The following TRPM3 variants were observed in gnomAD, a reference collection of about 807,000 sequenced individuals.
TRPM3 encodes the protein long transient receptor potential channel 3.
Under a neutral mutation model 181.2 loss-of-function variants are expected in TRPM3, and 77 were observed. That is an observed-to-expected ratio of 0.42 (90% CI 0.35 to 0.51). TRPM3 has a LOEUF of 0.51. TRPM3 is among the 20% of genes least tolerant of loss of function. TRPM3 has a pLI of 0.01. For missense variants in TRPM3, 1,759 were observed against 2,196.7 expected (o/e 0.80, Z 3.98); for synonymous variants, 745 against 796.4 (o/e 0.94, Z 1.09).
At chr9:71,438,893 C>G (rs1002253516) in intron 1 of TRPM3, among the ~76,000 whole-genome samples, 1 of 152,106 alleles carries the variant, frequency 6.6e-6, no homozygotes, top group Non-Finnish European at 1.5e-5. Flanking sequence ...TTTGTAATAT[C>G]CCACAATAAA....
intron 1 of TRPM3, among the ~76,000 whole-genome samples, chr9:70,913,680 A>T (rs897514797): frequency 3.3e-5 from 5 of 152,212 alleles, no homozygotes; most frequent in Non-Finnish European, 7.3e-5. Context: ...ACCAGAAAAA[A>T]ACCACCAGAC....
In TRPM3 at chr9:70,610,707, C is replaced by T. The variant is rs755973554; in HGVS notation, c.2569G>A (p.Asp857Asn). 3 of 1,614,174 alleles carry T rather than the reference C, an allele frequency of 1.9e-6. No homozygotes were observed. The highest frequency in any genetic ancestry group is 8.5e-7 in the Non-Finnish European group (1 of 1,180,004). ...TGCTTGCTCTGAACTTCCTCTTCATCCTTCTTCCTGGAGGACTCCCCGTTG... is the reference window on the plus strand; with the variant it reads ...TGCTTGCTCTGAACTTCCTCTTCATTCTTCTTCCTGGAGGACTCCCCGTTG... ...RNNGESSRKK[D>N]EEEVQSKHRL... is the part of the protein sequence containing the mutation. The change falls in exon 19 of 26, where the codon GAT (aspartate) becomes AAT (asparagine). Residue 857 changes from aspartate (D) to asparagine (N), a missense_variant. Coordinates refer to ENST00000677713, the MANE Select transcript of TRPM3 (RefSeq NM_001366145.2).
chr9:70,832,440 G>T (rs1425546019), intron 5 of TRPM3, among the ~76,000 whole-genome samples: 1 of 152,112 alleles, frequency 6.6e-6, no homozygotes, highest in African/African-American at 2.4e-5. Context: ...GAGTAAATGA[G>T]AGAATTCTTG....
intron 5 of TRPM3, among the ~76,000 whole-genome samples, chr9:70,834,722 G>C (rs79092503): frequency 6.6e-6 from 1 of 152,158 alleles, no homozygotes; most frequent in Non-Finnish European, 1.5e-5. Context: ...TCTTGGAGGA[G>C]GATACTGCAG....
intron 1 of TRPM3, among the ~76,000 whole-genome samples, chr9:70,915,703 G>GA (rs142856428): frequency 1.0e-3 from 143 of 137,138 alleles, no homozygotes; most frequent in Middle Eastern, 7.5e-3. Flanking sequence ...TGAGAGAAAA[G>GA]AAAAAAAAAA....
rs529479180 is a variant in TRPM3, at chr9:70,782,770, A to AATTATTATT, written c.1148+1326_1148+1334dup. Among the ~76,000 whole-genome samples the AATTATTATT allele has an allele frequency of 1.3e-4, 19 of 151,542 alleles. No homozygotes were observed. In the South Asian group the frequency reaches 3.5e-3, roughly 28 times the overall value. ...TAAACTCCAACTTAGAGTTTATAAA[A>AATTATTATT]ATTATTATTATTATTATTATTATTT... On this transcript the variant is annotated intron_variant, in intron 7 of 25. Coordinates refer to ENST00000677713, the MANE Select transcript of TRPM3 (RefSeq NM_001366145.2).
intron 8 of TRPM3, among the ~76,000 whole-genome samples, chr9:70,683,275 A>G (rs2065911166): frequency 6.6e-6 from 1 of 152,010 alleles, no homozygotes; most frequent in African/African-American, 2.4e-5. Flanking sequence ...GCTGGAGTAC[A>G]GTGGTATGAT....
intron 1 of TRPM3, among the ~76,000 whole-genome samples, chr9:70,972,091 C>A (rs1027459777): frequency 1.3e-5 from 2 of 152,120 alleles, no homozygotes; most frequent in Admixed American, 6.5e-5. Flanking sequence ...AGGCATATAT[C>A]TAAAAGAACT....
intron 1 of TRPM3, among the ~76,000 whole-genome samples, chr9:71,210,737 T>C (rs1188434350): frequency 6.6e-6 from 1 of 152,226 alleles, no homozygotes; most frequent in Non-Finnish European, 1.5e-5. Context: ...CAAAACACCA[T>C]GGATTGGATG....
At chr9:71,188,851 A>G (rs2077840448) in intron 1 of TRPM3, among the ~76,000 whole-genome samples, 2 of 151,954 alleles carry the variant, frequency 1.3e-5, no homozygotes, top group Admixed American at 1.3e-4. Context: ...AATTGAAACA[A>G]GGATTAAATA....
At position 71,032,339 on chromosome 9, in the gene TRPM3, C is replaced by T. The variant is rs1450046036; in HGVS notation, c.177+88839G>A. Among the ~76,000 whole-genome samples, 4 of 149,834 alleles carry T rather than the reference C, an allele frequency of 2.7e-5. No homozygotes were observed. In the East Asian group the frequency reaches 7.8e-4, roughly 29 times the overall value. On this transcript the variant is annotated intron_variant, in intron 1 of 25. Coordinates refer to ENST00000677713, the MANE Select transcript of TRPM3 (RefSeq NM_001366145.2). ...TAACTAGAGATCACATAAAAGAGAG[C>T]ATGATGAAAGATCTGGACCCACAGG...
chr9:70,649,230 C>T (rs1032495014), intron 9 of TRPM3, among the ~76,000 whole-genome samples: 26 of 150,498 alleles, frequency 1.7e-4, no homozygotes, highest in African/African-American at 5.7e-4. Context: ...ACTCTGTCAC[C>T]CAGGCTGGAG....
rs747591553 is a variant in TRPM3 at position 70,862,957 on chromosome 9, G to A, written c.413C>T (p.Ala138Val). The A allele has an allele frequency of 1.9e-6, 3 of 1,613,688 alleles. No homozygotes were observed. Among genetic ancestry groups the A allele is most frequent in the Non-Finnish European group, 2.5e-6 (3 of 1,179,710 alleles). ...SKHTQLSPTD[A>V]FGTIEFQGGG... Reference sequence around the variant, plus strand: ...TCCTTGGAACTCAATGGTCCCAAAAGCATCCGTAGGGCTGAGTTGAGTGTG... The same window carrying A: ...TCCTTGGAACTCAATGGTCCCAAAAACATCCGTAGGGCTGAGTTGAGTGTG... Residue 138 changes from alanine (A) to valine (V), a missense_variant, in exon 3 of 26, where the codon GCT becomes GTT. Physicochemically the swap from Ala to Val is moderately conservative, Grantham distance 64 (BLOSUM62 0). Around this residue, in one of 8 missense-constraint regions of TRPM3, gnomAD observed 737 missense variants for 957.4 expected, o/e 0.77. Transcript: ENST00000677713.
At position 70,677,905 on chromosome 9, in the gene TRPM3, AGGC is replaced by A. The variant is rs2064412555; in HGVS notation, c.1345+3598_1345+3600del. Among the ~76,000 whole-genome samples, 3 of 150,006 alleles carry A rather than the reference AGGC, an allele frequency of 2.0e-5. No homozygotes were observed. The East Asian group carries it at 5.9e-4, about 30-fold the overall frequency. On this transcript the variant is annotated intron_variant, in intron 9 of 25. Coordinates refer to ENST00000677713, the MANE Select transcript of TRPM3 (RefSeq NM_001366145.2). ...GCACTCCTAGTGAAGTTTGAATTTC[AGGC>A]AAATAATAAACAATTTTTTTTTTTT...
rs1486501379 is a variant in TRPM3, at chr9:71,406,318, T to C, written c.183+40335A>G. On this transcript the variant is annotated intron_variant, in intron 1 of 24. Transcript: ENST00000357533. The stretch of plus-strand genomic sequence containing the variant: ...AGAGTCTCTGTCAATACAAATATAC[T>C]CTATAGAAAAATAAACATAATTAGA... 2.0e-5 allele frequency among the ~76,000 whole-genome samples: 3 copies of C among 152,162 alleles called. No individual in the cohort carries two copies. In the East Asian group the frequency reaches 5.8e-4, roughly 29 times the overall value.
intron 1 of TRPM3, chr9:70,868,892 G>A: frequency 1.4e-6 from 1 of 701,938 alleles, no homozygotes; most frequent in Non-Finnish European, 1.8e-6. Context: ...TTCCCTCCAA[G>A]CCTCCCTCGG....
intron 1 of TRPM3, among the ~76,000 whole-genome samples, chr9:71,142,576 A>C (rs1466330865): frequency 6.6e-6 from 1 of 152,162 alleles, no homozygotes; most frequent in East Asian, 1.9e-4. Flanking sequence ...TTAAAGTGAG[A>C]TCAAATCTAA....
chr9:71,223,463 G>C (rs577589296), intron 1 of TRPM3, among the ~76,000 whole-genome samples: 1 of 152,206 alleles, frequency 6.6e-6, no homozygotes, highest in African/African-American at 2.4e-5. Context: ...CTTTAGGTGT[G>C]ACCAAGTGTA....
At chr9:70,945,886 G>C (rs935741934) in intron 1 of TRPM3, among the ~76,000 whole-genome samples, 1 of 152,044 alleles carries the variant, frequency 6.6e-6, no homozygotes, top group Non-Finnish European at 1.5e-5. Context: ...AAACCTGCAG[G>C]GTGTTGAGGA....
Sources: allele counts gnomAD v4.1 joint callset (sites outside exome capture counted in the v4.1 genomes callset), GRCh38; gene constraint gnomAD v4.1.1; regional missense constraint gnomAD v4.1.1; transcripts MANE v1.5; gene names NCBI Gene and HGNC (gene_info 2026-07-23, HGNC 2026-07-21).